The following PTPRQ variants were observed in gnomAD, a reference collection of about 807,000 sequenced individuals.
The protein encoded by PTPRQ is phosphatidylinositol phosphatase PTPRQ.
In PTPRQ, 199 loss-of-function variants were observed where a neutral mutation model predicts 246.0. The ratio of observed to expected loss-of-function variants is 0.81; its 90% CI spans 0.72 to 0.91. PTPRQ has a LOEUF of 0.91. PTPRQ is among the 40% of genes least tolerant of loss of function. PTPRQ has a pLI of 0.00. For synonymous variants in PTPRQ, 869 were observed against 853.2 expected (o/e 1.02, Z -0.32); for missense variants, 2,624 against 2,528.4 (o/e 1.04, Z -0.81).
intron 35 of PTPRQ, among the ~76,000 whole-genome samples, chr12:80,635,459 G>C (rs891348328): frequency 2.0e-5 from 3 of 151,802 alleles, no homozygotes; most frequent in Non-Finnish European, 2.9e-5. Context: ...ATAACTACTT[G>C]ATATTATTTA....
chr12:80,469,371 T>C (rs1893551328), intron 7 of PTPRQ, among the ~76,000 whole-genome samples: 1 of 152,146 alleles, frequency 6.6e-6, no homozygotes, highest in African/African-American at 2.4e-5. Flanking sequence ...TCCAACTTTG[T>C]AAGCAAGCAG....
chr12:80,609,500 T>C (rs545046258), intron 27 of PTPRQ, among the ~76,000 whole-genome samples: 4 of 150,762 alleles, frequency 2.7e-5, no homozygotes, highest in African/African-American at 9.7e-5. Context: ...TTTCTCATGG[T>C]TATCTTGGGA....
In PTPRQ at chr12:80,496,103, G is replaced by C; in HGVS notation, c.1987G>C (p.Asp663His). ...ENDIFVRTSE[D>H]EPESSPQDVE... Reference sequence around the variant, plus strand: ...TGACATCTTTGTGAGAACTTCAGAAGATGGTAAGAATATCAATTGCAGCTT... The same window carrying C: ...TGACATCTTTGTGAGAACTTCAGAACATGGTAAGAATATCAATTGCAGCTT... Residue 663 changes from aspartate to histidine, a missense_variant, in exon 13 of 45, where the codon GAT (aspartate) becomes CAT (histidine). Physicochemically the swap from Asp to His is moderately conservative, Grantham distance 81 (BLOSUM62 -1). Coordinates refer to ENST00000644991, the MANE Select transcript of PTPRQ (RefSeq NM_001145026.2). 5 of 1,546,790 alleles carry C rather than the reference G, an allele frequency of 3.2e-6. No homozygotes were observed. The highest frequency in any genetic ancestry group is 4.4e-6 in the Non-Finnish European group (5 of 1,145,558).
intron 29 of PTPRQ, 81 bp from the exon 30 acceptor site, chr12:80,616,119 A>C (rs1216662373): frequency 1.7e-5 from 15 of 888,976 alleles, no homozygotes; most frequent in Non-Finnish European, 2.2e-5. Flanking sequence ...ATACATATAT[A>C]GATACATGCA....
chr12:80,653,858 T>C (rs536788695), intron 38 of PTPRQ, among the ~76,000 whole-genome samples: 1 of 152,290 alleles, frequency 6.6e-6, no homozygotes, highest in East Asian at 1.9e-4. Context: ...CTAGAACCTG[T>C]TAATTTCTAA....
chr12:80,542,825 G>A lies in PTPRQ; in HGVS notation c.3817G>A (p.Val1273Ile). 1 of 1,547,824 alleles carries A rather than the reference G, an allele frequency of 6.5e-7. No homozygotes were observed. Among genetic ancestry groups the A allele is most frequent in the Non-Finnish European group, 8.7e-7 (1 of 1,145,206 alleles). The change falls in exon 23 of 45, where the codon GTT becomes ATT. Residue 1273 changes from valine (V) to isoleucine (I), a missense_variant. Val to Ile is a conservative substitution (Grantham distance 29). Coordinates refer to ENST00000644991, the MANE Select transcript of PTPRQ (RefSeq NM_001145026.2). Reference sequence around the variant, plus strand: ...CCCAAGTCCTCTTCCAGGTGGTATTGTTAAAGTATATAGTTTTAAAATTCA... The same window carrying A: ...CCCAAGTCCTCTTCCAGGTGGTATTATTAAAGTATATAGTTTTAAAATTCA... The part of the protein sequence containing the change: ...WSPSPLPGGI[V>I]KVYSFKIHEH...
At chr12:80,669,495 T>C in intron 41 of PTPRQ, 31 bp downstream of exon 41, 1 of 1,526,314 alleles carries the variant, frequency 6.6e-7, no homozygotes, top group Non-Finnish European at 8.8e-7. Flanking sequence ...CGAGAGAACA[T>C]GATATAAAAT....
chr12:80,553,454 C>T (rs1037924110), intron 25 of PTPRQ, among the ~76,000 whole-genome samples: 2 of 152,080 alleles, frequency 1.3e-5, no homozygotes, highest in African/African-American at 2.4e-5. Flanking sequence ...CTGTTGCATA[C>T]TTCTAATTTA....
chr12:80,581,887 C>G (rs1290526582), intron 25 of PTPRQ, among the ~76,000 whole-genome samples: 5 of 152,042 alleles, frequency 3.3e-5, no homozygotes, highest in African/African-American at 9.7e-5. Context: ...AATTTTTTCC[C>G]TCTGAAACTT....
chr12:80,608,005 A>C (rs1352893494), intron 27 of PTPRQ, among the ~76,000 whole-genome samples: 1 of 150,840 alleles, frequency 6.6e-6, no homozygotes, highest in East Asian at 1.9e-4. Flanking sequence ...GGGGAATATA[A>C]GGTAACAAAA....
At chr12:80,581,141 T>G (rs2120993393) in intron 25 of PTPRQ, among the ~76,000 whole-genome samples, 1 of 152,308 alleles carries the variant, frequency 6.6e-6, no homozygotes, top group African/African-American at 2.4e-5. Flanking sequence ...CTCTTCTGCC[T>G]TCTCTAGTTC....
At position 80,632,175 on chromosome 12, in the gene PTPRQ, T is replaced by C. The variant is rs764012600; in HGVS notation, c.5687-17T>C. 3.6e-5 allele frequency: 56 copies of C among 1,549,232 alleles called. No individual in the cohort carries two copies. The highest frequency in any genetic ancestry group is 4.8e-5 in the Non-Finnish European group (55 of 1,146,136). On this transcript the variant is annotated splice_polypyrimidine_tract_variant and intron_variant, in intron 33 of 44. Coordinates refer to ENST00000644991, the MANE Select transcript of PTPRQ (RefSeq NM_001145026.2). ...TCCATAATAATATTTAATGATCCTG[T>C]TATCCCTCTTCTCCAGGGGAAGGAC...
chr12:80,568,592 G>A (rs1897047820), intron 25 of PTPRQ, among the ~76,000 whole-genome samples: 1 of 152,110 alleles, frequency 6.6e-6, no homozygotes, highest in Non-Finnish European at 1.5e-5. Context: ...ACATTCCCAT[G>A]GTCAGCTCTT....
chr12:80,595,333 C>T (rs1455384834), intron 26 of PTPRQ, among the ~76,000 whole-genome samples: 1 of 151,998 alleles, frequency 6.6e-6, no homozygotes, highest in East Asian at 1.9e-4. Flanking sequence ...TACTTTTAAT[C>T]TAAGATTTGT....
At chr12:80,537,697 T>C (rs908137721) in intron 19 of PTPRQ, among the ~76,000 whole-genome samples, 1 of 152,238 alleles carries the variant, frequency 6.6e-6, no homozygotes, top group Non-Finnish European at 1.5e-5. Flanking sequence ...GCAATCCATA[T>C]TGTTCTTCCT....
intron 16 of PTPRQ, among the ~76,000 whole-genome samples, chr12:80,510,071 AC>A (rs1218347484): frequency 6.6e-6 from 1 of 151,984 alleles, no homozygotes; most frequent in African/African-American, 2.4e-5. Flanking sequence ...ACTGTGACAT[AC>A]CCCTTGTTCT....
At position 80,452,513 on chromosome 12, in the gene PTPRQ, T is replaced by C. The variant is rs753149896; in HGVS notation, c.391-5062T>C. ...TTTCAGTGGCTGGTACCGGTTGTTC[T>C]TTTCCATGTTTAGTGCTTCCTTCAG... On this transcript the variant is annotated intron_variant, in intron 3 of 44. Coordinates refer to ENST00000644991, the MANE Select transcript of PTPRQ (RefSeq NM_001145026.2). Among the ~76,000 whole-genome samples the C allele has an allele frequency of 1.7e-4, 26 of 152,282 alleles. No homozygotes were observed. The East Asian group carries it at 3.3e-3, about 19-fold the overall frequency.
chr12:80,487,080 G>C (rs1216886158), intron 9 of PTPRQ, among the ~76,000 whole-genome samples: 1 of 152,180 alleles, frequency 6.6e-6, no homozygotes, highest in East Asian at 1.9e-4. Context: ...AGACCTAACA[G>C]TTTCAATCAC....
intron 7 of PTPRQ, among the ~76,000 whole-genome samples, chr12:80,470,528 G>C (rs1166335861): frequency 6.6e-6 from 1 of 152,144 alleles, no homozygotes; most frequent in Admixed American, 6.5e-5. Flanking sequence ...TATGTAAGTT[G>C]AGTAAGATTC....
Sources: allele counts gnomAD v4.1 joint callset (sites outside exome capture counted in the v4.1 genomes callset), GRCh38; gene constraint gnomAD v4.1.1; transcripts MANE v1.5; gene names NCBI Gene and HGNC (gene_info 2026-07-23, HGNC 2026-07-21).